The following PRR16 variants were observed in gnomAD, a reference collection of about 807,000 sequenced individuals.
PRR16 encodes the protein proline rich 16.
Under a neutral mutation model 18.2 loss-of-function variants are expected in PRR16, and 6 were observed. That is an observed-to-expected ratio of 0.33 (90% CI 0.18 to 0.65). The LOEUF (loss-of-function observed/expected upper bound fraction) is 0.65, where lower values mean the gene tolerates loss of function less well. Among genes scored for constraint, PRR16 ranks in the 30% least tolerant of loss-of-function variants. PRR16 has a pLI of 0.74. For synonymous variants in PRR16, 151 were observed against 147.8 expected, an observed-to-expected ratio of 1.02 and a Z score of -0.16; for missense variants, 412 against 376.6, an observed-to-expected ratio of 1.09 and a Z score of -0.78.
chr5:120,728,399 T>C, the PRR16 span, among the ~76,000 whole-genome samples: 10 of 152,016 alleles, frequency 6.6e-5, no homozygotes, highest in Admixed American at 6.6e-4. Context: ...CAAATTATTT[T>C]TTCTCTGTTT....
At chr5:120,651,257 A>G (rs1356604941) in intron 1 of PRR16, among the ~76,000 whole-genome samples, 1 of 152,076 alleles carries the variant, frequency 6.6e-6, no homozygotes, top group Non-Finnish European at 1.5e-5. Flanking sequence ...GGTTGCGAAA[A>G]TGTTCTCCCA....
intron 1 of PRR16, among the ~76,000 whole-genome samples, chr5:120,645,846 A>G (rs1308554080): frequency 2.6e-5 from 4 of 151,854 alleles, no homozygotes; most frequent in Non-Finnish European, 4.4e-5. Flanking sequence ...CTAGAAGAAA[A>G]TAAATATACA....
the PRR16 span, among the ~76,000 whole-genome samples, chr5:120,721,853 A>T: frequency 2.0e-5 from 3 of 152,076 alleles, no homozygotes; most frequent in Admixed American, 2.0e-4. Flanking sequence ...ATTGGAAGTT[A>T]TAAAATCTAT....
chr5:120,780,081 T>C, the PRR16 span, among the ~76,000 whole-genome samples: 1 of 152,190 alleles, frequency 6.6e-6, no homozygotes, highest in Non-Finnish European at 1.5e-5. Context: ...TCCTTTTTGT[T>C]GTTGTTGTTT....
chr5:120,543,208 C>T (rs1751970541), intron 1 of PRR16, among the ~76,000 whole-genome samples: 1 of 152,030 alleles, frequency 6.6e-6, no homozygotes, highest in African/African-American at 2.4e-5. Flanking sequence ...AAAATACTTG[C>T]TTGGGAAATT....
intron 1 of PRR16, among the ~76,000 whole-genome samples, chr5:120,615,814 G>C (rs1482288437): frequency 6.6e-6 from 1 of 151,962 alleles, no homozygotes; most frequent in Non-Finnish European, 1.5e-5. Flanking sequence ...AGAATTCTGG[G>C]CGTTTTATTC....
chr5:120,671,856 C>T (rs982727627), intron 1 of PRR16, among the ~76,000 whole-genome samples: 1 of 152,046 alleles, frequency 6.6e-6, no homozygotes, highest in Non-Finnish European at 1.5e-5. Flanking sequence ...ATCTCATGAA[C>T]ATAACTTATT....
the PRR16 span, among the ~76,000 whole-genome samples, chr5:120,767,754 T>C: frequency 6.6e-6 from 1 of 151,824 alleles, no homozygotes; most frequent in Non-Finnish European, 1.5e-5. Context: ...ATGAAAAAGC[T>C]ATAGCAGATA....
chr5:120,733,339 G>A, the PRR16 span, among the ~76,000 whole-genome samples: 1 of 151,786 alleles, frequency 6.6e-6, no homozygotes, highest in Admixed American at 6.6e-5. Flanking sequence ...TTAAAGAGAT[G>A]GGGTCTCACT....
chr5:120,655,512 G>C (rs1233259007), intron 1 of PRR16, among the ~76,000 whole-genome samples: 1 of 151,028 alleles, frequency 6.6e-6, no homozygotes, highest in Admixed American at 6.6e-5. Context: ...AGAAGGAGAG[G>C]AAGTGTTAGA....
At chr5:120,526,996 C>T (rs759086149) in intron 1 of PRR16, among the ~76,000 whole-genome samples, 2 of 152,084 alleles carry the variant, frequency 1.3e-5, no homozygotes, top group African/African-American at 2.4e-5. Flanking sequence ...AGCTTTATGC[C>T]CCGTGATTAG....
At chr5:120,734,168 G>A in the PRR16 span, among the ~76,000 whole-genome samples, 1 of 152,224 alleles carries the variant, frequency 6.6e-6, no homozygotes, top group African/African-American at 2.4e-5. Context: ...CCTGAAGCGG[G>A]AGGGCTCCTG....
At chr5:120,740,731 G>T in the PRR16 span, among the ~76,000 whole-genome samples, 1 of 152,048 alleles carries the variant, frequency 6.6e-6, no homozygotes, top group Non-Finnish European at 1.5e-5. Context: ...CCTCAAAAAA[G>T]TTCATAGGAA....
At chr5:120,785,471 C>T in the PRR16 span, among the ~76,000 whole-genome samples, 49 of 151,602 alleles carry the variant, frequency 3.2e-4, no homozygotes, top group African/African-American at 1.2e-3. Flanking sequence ...TAAATGTTTC[C>T]TAAGGCAAAG....
At chr5:120,502,080 C>T (rs1381141186) in intron 1 of PRR16, among the ~76,000 whole-genome samples, 1 of 148,884 alleles carries the variant, frequency 6.7e-6, no homozygotes, top group East Asian at 2.0e-4. Flanking sequence ...ATTGGAACAA[C>T]AGTTCTGGAG....
At chr5:120,760,540 A>G in the PRR16 span, among the ~76,000 whole-genome samples, 388 of 152,242 alleles carry the variant, frequency 2.5e-3, 3 homozygotes, top group African/African-American at 9.2e-3. Context: ...CTACATCTTT[A>G]AGGTACTACA....
chr5:120,791,617 A>G, the PRR16 span, among the ~76,000 whole-genome samples: 1 of 149,192 alleles, frequency 6.7e-6, no homozygotes, highest in Non-Finnish European at 1.5e-5. Context: ...CTATCTATCT[A>G]TCTATCCATC....
chr5:120,516,665 C>G (rs931413329), intron 1 of PRR16, among the ~76,000 whole-genome samples: 12 of 152,036 alleles, frequency 7.9e-5, no homozygotes, highest in African/African-American at 2.9e-4. Context: ...GTGGTTATGT[C>G]AGGCTCTAAT....
At chr5:120,516,484 G>GACACACACACACACAC (rs149936115) in intron 1 of PRR16, among the ~76,000 whole-genome samples, 2 of 136,456 alleles carry the variant, frequency 1.5e-5, no homozygotes, top group African/African-American at 2.7e-5. Context: ...AGGAGGGAAG[G>GACACACACACACACAC]ACACACACAC....
Sources: gnomAD v4.1 joint callset for allele counts (sites outside exome capture counted in the v4.1 genomes callset) on GRCh38, gnomAD v4.1.1 for gene constraint, MANE v1.5 for transcripts, NCBI Gene and HGNC (gene_info 2026-07-23, HGNC 2026-07-21) for gene names.